CCDC127: variants seen among roughly 807,000 people sequenced by gnomAD.
CCDC127 encodes coiled-coil domain-containing protein 127.
CCDC127 carries 2 observed loss-of-function variants against 4.1 expected under a neutral mutation model. That is an observed-to-expected ratio of 0.49 (90% CI 0.20 to 1.53). The LOEUF (loss-of-function observed/expected upper bound fraction) is 1.53. Ranked by LOEUF, CCDC127 falls within the 40% of genes most tolerant of loss-of-function variation. CCDC127 has a pLI of 0.23. For missense variants in CCDC127, 271 were observed against 322.9 expected, an observed-to-expected ratio of 0.84 and a Z score of 1.23; for synonymous variants, 98 against 120.4, an observed-to-expected ratio of 0.81 and a Z score of 1.22.
At chr5:214,195 T>C (rs1579363329) in intron 2 of CCDC127, 1 of 152,052 alleles carries the variant, frequency 6.6e-6, no homozygotes, top group African/African-American at 2.4e-5. Context: ...GGAGGGGCGG[T>C]ACACAGGGCA....
intron 2 of CCDC127, among the ~76,000 whole-genome samples, chr5:210,712 C>T (rs1264498466): frequency 7.3e-6 from 1 of 136,768 alleles, no homozygotes; most frequent in African/African-American, 2.9e-5. Context: ...CACCACACAC[C>T]CATCAGGATG....
At chr5:216,117 C>T (rs1428423285) in intron 2 of CCDC127, 1 of 149,916 alleles carries the variant, frequency 6.7e-6, no homozygotes, top group Non-Finnish European at 1.5e-5. Context: ...GTGGTGCCAT[C>T]TCCACTCACT....
chr5:205,819 C>T lies in CCDC127; in HGVS notation c.261G>A (p.Gln87=). The change falls in exon 3 of 3, where the codon CAG becomes CAA. Residue 87 remains glutamine, a synonymous_variant. Coordinates refer to ENST00000296824, the MANE Select transcript of CCDC127 (RefSeq NM_145265.3). The part of the protein sequence containing the change: ...MISENRRAVA[Q]LSLELEKEQN... ...GTTCCTTTTCGAGTTCCAAGGACAA[C>T]TGAGCGACAGCACGCCGATTTTCTG... is the stretch of plus-strand genomic sequence containing the variant. The T allele has an allele frequency of 6.2e-7, 1 of 1,614,186 alleles. No individual in the cohort carries two copies. The highest frequency in any genetic ancestry group is 8.5e-7 in the Non-Finnish European group (1 of 1,180,036).
Position 205,122 on chromosome 5 carries a change from T to C in CCDC127, c.*175A>G. 2 of 598,772 alleles carry C rather than the reference T, an allele frequency of 3.3e-6. No homozygotes were observed. Among genetic ancestry groups the C allele is most frequent in the Non-Finnish European group, 5.8e-6 (2 of 347,568 alleles). 37.1% of individuals were successfully genotyped at this position (598,772 alleles called of 1,614,324 possible). On this transcript the variant is annotated 3_prime_UTR_variant, in exon 3 of 3. Transcript: ENST00000296824. ...CAGAGCATCGGGAGGAGACCCTCTG[T>C]CTCTGAGGCTTCGGTGCACTTCTGC...
chr5:216,313 G>A lies in CCDC127; in HGVS notation c.121+416C>T, dbSNP rs1369901904. The A allele has an allele frequency of 1.3e-4, 30 of 230,548 alleles. No homozygotes were observed. In the East Asian group the frequency reaches 3.5e-3, roughly 27 times the overall value. 14.3% of individuals were successfully genotyped at this position (230,548 alleles called of 1,614,324 possible). A position where few individuals can be genotyped will look rare whatever the true frequency, so the allele number is the denominator to read the frequency against. ...GGCCTCGCAGAGTGCTGGGGTTACA[G>A]GTATGAGCCACCACGCCCAGCCCAC... is the stretch of plus-strand genomic sequence containing the variant. On this transcript the variant is annotated intron_variant, in intron 2 of 2. Coordinates refer to ENST00000296824, the MANE Select transcript of CCDC127 (RefSeq NM_145265.3).
At position 205,154 on chromosome 5, in the gene CCDC127, G is replaced by A. The variant is rs562078869; in HGVS notation, c.*143C>T. ...GGCTTCGGTGCACTTCTGCTCAGAC[G>A]GTGGCGGGAGTGGAGGTCGCTGCTG... On this transcript the variant is annotated 3_prime_UTR_variant, in exon 3 of 3. Transcript: ENST00000296824. 56 of 699,020 alleles carry A rather than the reference G, an allele frequency of 8.0e-5. No individual in the cohort carries two copies. The highest frequency in any genetic ancestry group is 3.4e-4 in the African/African-American group (19 of 56,182). 43.3% of individuals were successfully genotyped at this position (699,020 alleles called of 1,614,324 possible).
chr5:206,056 G>C, intron 2 of CCDC127, 98 bp from the exon 3 acceptor site: 1 of 1,150,806 alleles, frequency 8.7e-7, no homozygotes, highest in South Asian at 1.5e-5. Flanking sequence ...TAGTGTTTCA[G>C]TAAAAGCTTA....
At chr5:206,709 C>G (rs1734180078) in intron 2 of CCDC127, among the ~76,000 whole-genome samples, 2 of 152,236 alleles carry the variant, frequency 1.3e-5, no homozygotes, top group South Asian at 2.1e-4. Context: ...GATAACAGTT[C>G]CATCCACATT....
In CCDC127 at chr5:202,662, ATATC is replaced by A. The variant is rs1261166962; in HGVS notation, c.*2631_*2634del. 2 of 152,294 alleles carry A rather than the reference ATATC, an allele frequency of 1.3e-5. No homozygotes were observed. The highest frequency in any genetic ancestry group is 2.9e-5 in the Non-Finnish European group (2 of 68,054). The allele number at this position is 152,294 out of a possible 1,614,324, so 9.4% of individuals were successfully genotyped here. A position where few individuals can be genotyped will look rare whatever the true frequency, so the allele number is the denominator to read the frequency against. On this transcript the variant is annotated 3_prime_UTR_variant, in exon 3 of 3. Transcript: ENST00000296824. ...CCACACCAGCTTGAAGGCTCTGAAC[ATATC>A]TATCTCACTATAGAAGGAAGCTAGG...
chr5:197,071 A>AG lies in CCDC127; in HGVS notation c.*8225dup, dbSNP rs750940853. On this transcript the variant is annotated 3_prime_UTR_variant, in exon 3 of 3. Coordinates refer to ENST00000296824, the MANE Select transcript of CCDC127 (RefSeq NM_145265.3). ...AGAATCTATGTCGTAATTAAGTTCA[A>AG]GGGAAGGTACTATGCCTGGACGTGC... is the stretch of plus-strand genomic sequence containing the variant. The AG allele has an allele frequency of 6.6e-6, 1 of 151,382 alleles. No homozygotes were observed. The highest frequency in any genetic ancestry group is 1.5e-5 in the Non-Finnish European group (1 of 67,882). The allele number at this position is 151,382 out of a possible 1,614,324, so 9.4% of individuals were successfully genotyped here. A position where few individuals can be genotyped will look rare whatever the true frequency, so the allele number is the denominator to read the frequency against.
chr5:205,121 G>A lies in CCDC127; in HGVS notation c.*176C>T. On this transcript the variant is annotated 3_prime_UTR_variant, in exon 3 of 3. Coordinates refer to ENST00000296824, the MANE Select transcript of CCDC127 (RefSeq NM_145265.3). Reference sequence around the variant, plus strand: ...GCAGAGCATCGGGAGGAGACCCTCTGTCTCTGAGGCTTCGGTGCACTTCTG... The same window carrying A: ...GCAGAGCATCGGGAGGAGACCCTCTATCTCTGAGGCTTCGGTGCACTTCTG... The A allele has an allele frequency of 1.7e-6, 1 of 597,070 alleles. No individual in the cohort carries two copies. Among genetic ancestry groups the A allele is most frequent in the South Asian group, 2.4e-5 (1 of 41,766 alleles). The allele number at this position is 597,070 out of a possible 1,614,324, so 37.0% of individuals were successfully genotyped here. A position where few individuals can be genotyped will look rare whatever the true frequency, so the allele number is the denominator to read the frequency against.
intron 2 of CCDC127, among the ~76,000 whole-genome samples, chr5:208,580 C>T (rs533812136): frequency 9.9e-5 from 15 of 152,264 alleles, no homozygotes; most frequent in South Asian, 4.1e-4. Flanking sequence ...AGGGTGGGGT[C>T]GGGGGGAGCC....
Position 201,414 on chromosome 5 carries a change from C to G in CCDC127, c.*3883G>C, listed in dbSNP as rs141485344. ...CGTTACACATTTTAATTAGACATAA[C>G]TTCTCTTTGAAAGAACACACAGATC... On this transcript the variant is annotated 3_prime_UTR_variant, in exon 3 of 3. Transcript: ENST00000296824. The G allele has an allele frequency of 6.6e-6, 1 of 152,342 alleles. No homozygotes were observed. The highest frequency in any genetic ancestry group is 1.9e-4 in the East Asian group (1 of 5,194). The allele number at this position is 152,342 out of a possible 1,614,324, so 9.4% of individuals were successfully genotyped here.
chr5:207,440 AG>A (rs914391325), intron 2 of CCDC127, among the ~76,000 whole-genome samples: 6 of 152,196 alleles, frequency 3.9e-5, no homozygotes, highest in Admixed American at 1.3e-4. Flanking sequence ...AGGAGAGAGA[AG>A]GGAAGGCTCG....
chr5:198,849 C>T lies in CCDC127; in HGVS notation c.*6448G>A, dbSNP rs1734016983. ...CTGGGTTTTTATGGAGAGCACTTCTCTACCGCAGAAAACACGGCCTCCCAC... is the reference window on the plus strand; with the variant it reads ...CTGGGTTTTTATGGAGAGCACTTCTTTACCGCAGAAAACACGGCCTCCCAC... On this transcript the variant is annotated 3_prime_UTR_variant, in exon 3 of 3. Transcript: ENST00000296824. 1 of 152,302 alleles carries T rather than the reference C, an allele frequency of 6.6e-6. No homozygotes were observed. The highest frequency in any genetic ancestry group is 2.1e-4 in the South Asian group (1 of 4,838). 9.4% of individuals were successfully genotyped at this position (152,302 alleles called of 1,614,324 possible).
Position 200,945 on chromosome 5 carries a change from AGCCAGC to A in CCDC127, c.*4346_*4351del, listed in dbSNP as rs1468469623. The stretch of plus-strand genomic sequence containing the variant: ...ACAGCAGGCTGCCCCCATCACAGCC[AGCCAGC>A]GTCTACACAGCAGGCTGCCCCCATC... On this transcript the variant is annotated 3_prime_UTR_variant, in exon 3 of 3. Coordinates refer to ENST00000296824, the MANE Select transcript of CCDC127 (RefSeq NM_145265.3). 3.4e-4 allele frequency: 49 copies of A among 144,290 alleles called. No homozygotes were observed. Among genetic ancestry groups the A allele is most frequent in the African/African-American group, 1.3e-3 (47 of 37,166 alleles). The allele number at this position is 144,290 out of a possible 1,614,324, so 8.9% of individuals were successfully genotyped here.
At position 210,735 on chromosome 5, in the gene CCDC127, C is replaced by A. The variant is rs1439401234; in HGVS notation, c.122-4777G>T. ...ACCCATCAGGATGGGGCAGACGGGA[C>A]AGCAATGTGAGCACGCTGAGATGCT... is the stretch of plus-strand genomic sequence containing the variant. On this transcript the variant is annotated intron_variant, in intron 2 of 2. Coordinates refer to ENST00000296824, the MANE Select transcript of CCDC127 (RefSeq NM_145265.3). Among the ~76,000 whole-genome samples, 28 of 139,504 alleles carry A rather than the reference C, an allele frequency of 2.0e-4. 1 individual carries two copies. Among genetic ancestry groups the A allele is most frequent in the Non-Finnish European group, 1.7e-4 (11 of 64,840 alleles). The allele number at this position is 139,504 out of a possible 152,430, so 91.5% of individuals were successfully genotyped here.
At chr5:210,273 A>C (rs1187868215) in intron 2 of CCDC127, among the ~76,000 whole-genome samples, 1 of 152,240 alleles carries the variant, frequency 6.6e-6, no homozygotes, top group Admixed American at 6.5e-5. Context: ...ATGGTTCATA[A>C]AAGGAAACGA....
In CCDC127 at chr5:199,128, C is replaced by T. The variant is rs1734022805; in HGVS notation, c.*6169G>A. On this transcript the variant is annotated 3_prime_UTR_variant, in exon 3 of 3. Coordinates refer to ENST00000296824, the MANE Select transcript of CCDC127 (RefSeq NM_145265.3). ...GCAGCATGGGCTGGTGCAGCTCCTTCAGAACATGGCACTGCTTCCTGTCCA... is the reference window on the plus strand; with the variant it reads ...GCAGCATGGGCTGGTGCAGCTCCTTTAGAACATGGCACTGCTTCCTGTCCA... 6.6e-6 allele frequency: 1 copy of T among 152,458 alleles called. No individual in the cohort carries two copies. The highest frequency in any genetic ancestry group is 2.1e-4 in the South Asian group (1 of 4,850). The allele number at this position is 152,458 out of a possible 1,614,324, so 9.4% of individuals were successfully genotyped here.
Sources: gnomAD v4.1 joint callset for allele counts (sites outside exome capture counted in the v4.1 genomes callset) on GRCh38, gnomAD v4.1.1 for gene constraint, MANE v1.5 for transcripts, NCBI Gene and HGNC (gene_info 2026-07-23, HGNC 2026-07-21) for gene names.